LOXL3: variants seen among roughly 807,000 people sequenced by gnomAD.
LOXL3 encodes the protein lysyl oxidase homolog 3.
A neutral mutation model predicts 91.8 loss-of-function variants in LOXL3; 60 were observed. The observed-to-expected ratio is 0.65, with a 90% CI of 0.53 to 0.81. The LOEUF is 0.81. Ranked by LOEUF, LOXL3 falls within the 30% of genes least tolerant of loss-of-function variation. The probability of loss-of-function intolerance (pLI) is 0.00; values close to 1 mark genes in which losing one functional copy is unlikely to be tolerated. For synonymous variants in LOXL3, 355 were observed against 387.6 expected (o/e 0.92, Z 0.99); for missense variants, 874 against 1,000.4 (o/e 0.87, Z 1.70).
chr2:74,543,415 C>CA lies in LOXL3; in HGVS notation c.692+5953dup, dbSNP rs1164273237. On this transcript the variant is annotated intron_variant, in intron 4 of 13. Transcript: ENST00000264094. ...AGTAATCTGAAATGTAATGTAGGTC[C>CA]AAAAAAAAAAGATAATTATCTCAGT... is the stretch of plus-strand genomic sequence containing the variant. 1.2e-3 allele frequency among the ~76,000 whole-genome samples: 177 copies of CA among 146,448 alleles called. 1 individual carries two copies. Among genetic ancestry groups the CA allele is most frequent in the Middle Eastern group, 0.01 (3 of 288 alleles).
Position 74,550,343 on chromosome 2 carries a change from T to A in LOXL3, c.319A>T (p.Ile107Phe). 1 of 1,613,188 alleles carries A rather than the reference T, an allele frequency of 6.2e-7. No homozygotes were observed. The highest frequency in any genetic ancestry group is 8.5e-7 in the Non-Finnish European group (1 of 1,179,538). Residue 107 changes from isoleucine (I) to phenylalanine (F), a missense_variant, in exon 3 of 14, where the codon ATC becomes TTC. Physicochemically the swap from Ile to Phe is conservative, Grantham distance 21. Transcript: ENST00000264094. The part of the protein sequence containing the change: ...SAKYGPGTGR[I>F]WLDNLSCSGT... ...CTGCAGCTCAAGTTGTCCAGCCAGATGCGGCCTGTGGAAGGGGAGATGAAG... is the reference window on the plus strand; with the variant it reads ...CTGCAGCTCAAGTTGTCCAGCCAGAAGCGGCCTGTGGAAGGGGAGATGAAG...
chr2:74,543,603 G>T (rs1300653283), intron 4 of LOXL3, among the ~76,000 whole-genome samples: 1 of 152,004 alleles, frequency 6.6e-6, no homozygotes, highest in Admixed American at 6.5e-5. Flanking sequence ...TCAAAGGCGG[G>T]GCGTGGTGGC....
In LOXL3 at chr2:74,536,224, C is replaced by T. The variant is rs576370652; in HGVS notation, c.1093+67G>A. 7.4e-5 allele frequency: 119 copies of T among 1,611,816 alleles called. No individual in the cohort carries two copies. The highest frequency in any genetic ancestry group is 8.4e-5 in the Non-Finnish European group (99 of 1,179,494). On this transcript the variant is annotated intron_variant, in intron 6 of 13. Coordinates refer to ENST00000264094, the MANE Select transcript of LOXL3 (RefSeq NM_032603.5). The surrounding 1 kb of genome is among the most constrained non-coding windows in gnomAD (Gnocchi z 4.5). ...TCTGCCCAGGGGACACCTAACCTTC[C>T]GAAGGAATATGCCCCCCAGGAGCAT...
Position 74,536,100 on chromosome 2 carries a change from A to G in LOXL3, c.1144T>C (p.Ser382Pro). ...TTCTTGTGGGGGCACTTCCAGAGGG[A>G]GAGCTCCTGTCCAGAGCAGCGAACT... ...SEVRCSGQEL[S>P]LWKCPHKNIT... is the part of the protein sequence containing the mutation. The change falls in exon 7 of 14, where the codon TCC becomes CCC. Residue 382 changes from serine to proline, a missense_variant. Coordinates refer to ENST00000264094, the MANE Select transcript of LOXL3 (RefSeq NM_032603.5). This position sits in a 1 kb window ranked among gnomAD's most constrained non-coding sequence, Gnocchi z 4.5. The G allele has an allele frequency of 6.2e-7, 1 of 1,613,936 alleles. No homozygotes were observed. Among genetic ancestry groups the G allele is most frequent in the South Asian group, 1.1e-5 (1 of 91,066 alleles).
At chr2:74,546,736 G>A (rs949633420) in intron 4 of LOXL3, among the ~76,000 whole-genome samples, 4 of 151,964 alleles carry the variant, frequency 2.6e-5, no homozygotes, top group African/African-American at 9.7e-5. Context: ...TTTTATTTGA[G>A]ACGGAGTTTC....
intron 4 of LOXL3, among the ~76,000 whole-genome samples, chr2:74,538,488 A>G (rs969479074): frequency 6.6e-6 from 1 of 152,168 alleles, no homozygotes; most frequent in Admixed American, 6.5e-5. Flanking sequence ...GGAGACTTTT[A>G]ATGTGCAAAC....
chr2:74,554,401 G>A (rs1375784513), upstream of LOXL3: 4 of 277,120 alleles, frequency 1.4e-5, no homozygotes, highest in East Asian at 2.6e-4. This position sits in a 1 kb window ranked among gnomAD's most constrained non-coding sequence, Gnocchi z 4.9. Context: ...GGTGCCCGGG[G>A]CGCTTTCGGG....
upstream of LOXL3, chr2:74,554,423 G>T: frequency 2.6e-6 from 1 of 379,628 alleles, no homozygotes. The surrounding 1 kb of genome is among the most constrained non-coding windows in gnomAD (Gnocchi z 4.9). Flanking sequence ...TGATGTCATG[G>T]CTTTCACTCT....
chr2:74,541,884 G>T (rs1031961849), intron 4 of LOXL3, among the ~76,000 whole-genome samples: 1 of 151,376 alleles, frequency 6.6e-6, no homozygotes, highest in Non-Finnish European at 1.5e-5. Flanking sequence ...GTTATGTTAA[G>T]GACTTTGTCC....
At chr2:74,537,582 A>C (rs562200855) in intron 4 of LOXL3, among the ~76,000 whole-genome samples, 1 of 152,334 alleles carries the variant, frequency 6.6e-6, no homozygotes, top group South Asian at 2.1e-4. Flanking sequence ...TGAGGGAATA[A>C]ATGACCAGAG....
rs755625809 is a variant in LOXL3 at position 74,550,095 on chromosome 2, G to T, written c.477+90C>A. 26 of 1,502,424 alleles carry T rather than the reference G, an allele frequency of 1.7e-5. No homozygotes were observed. The Admixed American group carries it at 3.7e-4, about 21-fold the overall frequency. The allele number at this position is 1,502,424 out of a possible 1,614,324, so 93.1% of individuals were successfully genotyped here. A position where few individuals can be genotyped will look rare whatever the true frequency, so the allele number is the denominator to read the frequency against. ...CACCAATCCAAATGATCCCCCAGGGGTAACTACCTTCTAATGTCTCCGCTA... is the reference window on the plus strand; with the variant it reads ...CACCAATCCAAATGATCCCCCAGGGTTAACTACCTTCTAATGTCTCCGCTA... On this transcript the variant is annotated intron_variant, in intron 3 of 13. Transcript: ENST00000264094.
intron 4 of LOXL3, among the ~76,000 whole-genome samples, chr2:74,540,136 C>A (rs1323283036): frequency 1.3e-5 from 2 of 152,138 alleles, no homozygotes; most frequent in African/African-American, 2.4e-5. Context: ...CGTGAGCCAC[C>A]GCACCTGGCT....
rs757914361 is a variant in LOXL3 at position 74,549,321 on chromosome 2, G to A, written c.692+48C>T. ...ATGTCTCCCAAGGCTATTCATCAGGGAGCACCCCAATCCCGGCCTGCTCCG... is the reference window on the plus strand; with the variant it reads ...ATGTCTCCCAAGGCTATTCATCAGGAAGCACCCCAATCCCGGCCTGCTCCG... On this transcript the variant is annotated intron_variant, in intron 4 of 13. Transcript: ENST00000264094. This position sits in a 1 kb window ranked among gnomAD's most constrained non-coding sequence, Gnocchi z 5.3. 4.0e-6 allele frequency: 6 copies of A among 1,512,654 alleles called. No individual in the cohort carries two copies. The highest frequency in any genetic ancestry group is 1.2e-5 in the South Asian group (1 of 80,398). The allele number at this position is 1,512,654 out of a possible 1,614,324, so 93.7% of individuals were successfully genotyped here. A position where few individuals can be genotyped will look rare whatever the true frequency, so the allele number is the denominator to read the frequency against.
rs868263935 is a variant in LOXL3, at chr2:74,535,479, G to C, written c.1417-25C>G. 11 of 1,613,226 alleles carry C rather than the reference G, an allele frequency of 6.8e-6. No homozygotes were observed. In the Middle Eastern group the frequency reaches 1.2e-3, roughly 169 times the overall value. ...CCTGGGGACATATGCAGATGTTTCT[G>C]TAAGGCCCAGGATCCAGCATCTTGG... On this transcript the variant is annotated intron_variant, in intron 8 of 13. Transcript: ENST00000264094. The surrounding 1 kb of genome is among the most constrained non-coding windows in gnomAD (Gnocchi z 4.2).
chr2:74,536,358 G>T lies in LOXL3; in HGVS notation c.1026C>A (p.Ser342Arg), dbSNP rs148186148. ...CDRKWDLHAA[S>R]VVCRELGFGS... is the part of the protein sequence containing the mutation. ...CGAAGCCCAGCTCCCGACACACCACGCTGGCTGCATGCAGGTCCCACTTGC... is the reference window on the plus strand; with the variant it reads ...CGAAGCCCAGCTCCCGACACACCACTCTGGCTGCATGCAGGTCCCACTTGC... Residue 342 changes from serine to arginine, a missense_variant, in exon 6 of 14, where the codon AGC (serine) becomes AGA (arginine). By Grantham distance (110) the Ser-to-Arg change is moderately radical. Coordinates refer to ENST00000264094, the MANE Select transcript of LOXL3 (RefSeq NM_032603.5). This position sits in a 1 kb window ranked among gnomAD's most constrained non-coding sequence, Gnocchi z 4.5. 6.2e-7 allele frequency: 1 copy of T among 1,614,038 alleles called. No individual in the cohort carries two copies. The highest frequency in any genetic ancestry group is 1.1e-5 in the South Asian group (1 of 91,084).
At chr2:74,543,885 A>G (rs1247928569) in intron 4 of LOXL3, among the ~76,000 whole-genome samples, 3 of 143,858 alleles carry the variant, frequency 2.1e-5, no homozygotes, top group Non-Finnish European at 3.0e-5. Flanking sequence ...TGGGTGACAA[A>G]GCAAGGCTCT....
Position 74,546,809 on chromosome 2 carries a change from C to T in LOXL3, c.692+2560G>A, listed in dbSNP as rs374422543. Among the ~76,000 whole-genome samples the T allele has an allele frequency of 1.1e-4, 17 of 152,256 alleles. No individual in the cohort carries two copies. The South Asian group carries it at 1.9e-3, about 17-fold the overall frequency. On this transcript the variant is annotated intron_variant, in intron 4 of 13. Transcript: ENST00000264094. ...TCAGCTCACCGCAACCTCCGCCTCC[C>T]GGGTTCAAGCCATTCTCCCGCCTCA...
intron 3 of LOXL3, 151 bp downstream of exon 3, chr2:74,550,034 A>T (rs1676900761): frequency 6.8e-7 from 1 of 1,470,062 alleles, no homozygotes; most frequent in Non-Finnish European, 8.9e-7. Context: ...ATTTTACAGC[A>T]TCTGGGAGCT....
Position 74,534,391 on chromosome 2 carries a change from G to A in LOXL3, c.1864C>T (p.Leu622Phe). The change falls in exon 11 of 14, where the codon CTC becomes TTC. Residue 622 changes from leucine to phenylalanine, a missense_variant. Leu to Phe is a conservative substitution (Grantham distance 22, BLOSUM62 0). Transcript: ENST00000264094. Reference protein sequence around the residue: ...SMDIFTHYDILTPNGTKVAEG... With the variant: ...SMDIFTHYDIFTPNGTKVAEG... ...GCCACCTTGGTGCCATTTGGGGTGA[G>A]GATATCATAGTGAGTGAAGATGTCC... 6.2e-7 allele frequency: 1 copy of A among 1,614,252 alleles called. No homozygotes were observed. The highest frequency in any genetic ancestry group is 8.5e-7 in the Non-Finnish European group (1 of 1,180,046).
Sources: gnomAD v4.1 joint callset for allele counts (sites outside exome capture counted in the v4.1 genomes callset) on GRCh38, gnomAD v4.1.1 for gene constraint, Gnocchi (gnomAD v3.1) non-coding constraint, MANE v1.5 for transcripts, NCBI Gene and HGNC (gene_info 2026-07-23, HGNC 2026-07-21) for gene names.